Variants in GPATCH2 observed in about 807,000 individuals in gnomAD.
GPATCH2 encodes G-patch domain containing 2.
Under a neutral mutation model 58.0 loss-of-function variants are expected in GPATCH2, and 51 were observed. That is an observed-to-expected ratio of 0.88 (90% CI 0.70 to 1.11). The LOEUF (loss-of-function observed/expected upper bound fraction) is 1.11. GPATCH2 is among the 50% of genes most tolerant of loss of function. GPATCH2 has a pLI of 0.00. For missense variants in GPATCH2, 625 were observed against 652.2 expected, an observed-to-expected ratio of 0.96 and a Z score of 0.45; for synonymous variants, 222 against 218.5, an observed-to-expected ratio of 1.02 and a Z score of -0.14.
intron 5 of GPATCH2, 64 bp from the exon 6 acceptor site, chr1:217,514,953 T>C (rs1266392223): frequency 1.1e-5 from 8 of 757,726 alleles, no homozygotes; most frequent in Non-Finnish European, 1.9e-5. Flanking sequence ...CCATGGATAA[T>C]AGTGATATAT....
intron 9 of GPATCH2, among the ~76,000 whole-genome samples, chr1:217,448,452 G>A (rs1659496873): frequency 6.6e-6 from 1 of 152,146 alleles, no homozygotes; most frequent in Non-Finnish European, 1.5e-5. Flanking sequence ...TTATATGTTG[G>A]TGTCTACATT....
At chr1:217,610,022 A>C in intron 5 of GPATCH2, 1 of 1,421,764 alleles carries the variant, frequency 7.0e-7, no homozygotes, top group Non-Finnish European at 9.2e-7. Flanking sequence ...TCCAGCAAAA[A>C]CAGCCCCATC....
Position 217,619,914 on chromosome 1 carries a change from C to T in GPATCH2, c.642G>A (p.Leu214=), listed in dbSNP as rs1486761092. 1.2e-6 allele frequency: 2 copies of T among 1,613,846 alleles called. No individual in the cohort carries two copies. Among genetic ancestry groups the T allele is most frequent in the East Asian group, 2.2e-5 (1 of 44,864 alleles). The change falls in exon 2 of 10, where the codon TTG becomes TTA. Residue 214 remains leucine (L), a synonymous_variant. Coordinates refer to ENST00000366935, the MANE Select transcript of GPATCH2 (RefSeq NM_018040.5). ...TTTTTGGTCCTTGTCTGATTATTTT[C>T]AACTTTCTTTTTTTGACTTTGTTCT... ...FTKNKVKKRK[L]KIIRQGPKIQ...
At chr1:217,515,529 G>GA (rs1481633864) in intron 5 of GPATCH2, among the ~76,000 whole-genome samples, 2 of 151,984 alleles carry the variant, frequency 1.3e-5, no homozygotes, top group East Asian at 2.0e-4. Flanking sequence ...ACAACACGGT[G>GA]AAACCCCATC....
Position 217,431,358 on chromosome 1 carries a change from T to C in GPATCH2, c.1374A>G (p.Val458=), listed in dbSNP as rs1458946698. Residue 458 remains valine (V), a synonymous_variant, in exon 10 of 10, where the codon GTA becomes GTG. Coordinates refer to ENST00000366935, the MANE Select transcript of GPATCH2 (RefSeq NM_018040.5). ...CTAGGATTGGCTGGGCATTTTCACC[T>C]ACAAATCCTGAAATGATAAAACAAC... ...PLPGPTTAGF[V]GENAQPILEN... is the part of the protein sequence containing the mutation. 5.8e-6 allele frequency: 9 copies of C among 1,551,974 alleles called. No individual in the cohort carries two copies. Among genetic ancestry groups the C allele is most frequent in the Middle Eastern group, 1.7e-4 (1 of 5,956 alleles).
chr1:217,558,076 A>T (rs1010970844), intron 5 of GPATCH2, among the ~76,000 whole-genome samples: 2 of 152,200 alleles, frequency 1.3e-5, no homozygotes, highest in Admixed American at 1.3e-4. Context: ...TACTAAATTT[A>T]TATAATGGCT....
At chr1:217,515,769 A>T (rs182852846) in intron 5 of GPATCH2, among the ~76,000 whole-genome samples, 3,400 of 137,000 alleles carry the variant, frequency 0.025, 64 homozygotes, top group East Asian at 0.086. Flanking sequence ...AATATCCTTT[A>T]AAAAAAAAAA....
chr1:217,537,210 A>T (rs1571880823), intron 5 of GPATCH2, among the ~76,000 whole-genome samples: 1 of 106,248 alleles, frequency 9.4e-6, no homozygotes, highest in East Asian at 7.2e-4. Flanking sequence ...GAATTTCGTC[A>T]GCTTTTTGTT....
chr1:217,527,150 A>G (rs1259484286), intron 5 of GPATCH2, among the ~76,000 whole-genome samples: 1 of 152,228 alleles, frequency 6.6e-6, no homozygotes, highest in Non-Finnish European at 1.5e-5. Context: ...ATGTATTACA[A>G]TGCATTAATA....
At chr1:217,523,768 C>G (rs1663615267) in intron 5 of GPATCH2, among the ~76,000 whole-genome samples, 2 of 148,126 alleles carry the variant, frequency 1.4e-5, no homozygotes, top group African/African-American at 2.5e-5. Context: ...AGGCGCCCCT[C>G]ACCTCCCGGA....
At chr1:217,485,024 A>T (rs1011700430) in intron 8 of GPATCH2, among the ~76,000 whole-genome samples, 4 of 152,120 alleles carry the variant, frequency 2.6e-5, no homozygotes, top group African/African-American at 9.7e-5. Context: ...GGCTCATGTG[A>T]TTATGGAGGC....
At chr1:217,463,768 A>G (rs985656864) in intron 8 of GPATCH2, among the ~76,000 whole-genome samples, 29 of 151,970 alleles carry the variant, frequency 1.9e-4, no homozygotes. Context: ...TTAATTATAC[A>G]TAAATAGATT....
intron 5 of GPATCH2, among the ~76,000 whole-genome samples, chr1:217,565,090 A>C (rs1666150485): frequency 6.6e-6 from 1 of 152,184 alleles, no homozygotes; most frequent in South Asian, 2.1e-4. Flanking sequence ...TTCAACTCTA[A>C]AAGGTAATGC....
intron 6 of GPATCH2, among the ~76,000 whole-genome samples, chr1:217,501,498 T>G (rs1026378696): frequency 1.3e-5 from 2 of 152,102 alleles, no homozygotes; most frequent in African/African-American, 2.4e-5. Flanking sequence ...AGTTACATGT[T>G]TAGTTTCATA....
intron 6 of GPATCH2, among the ~76,000 whole-genome samples, chr1:217,502,673 T>C (rs1404420380): frequency 6.6e-6 from 1 of 152,138 alleles, no homozygotes; most frequent in Non-Finnish European, 1.5e-5. Context: ...CTATTCAATA[T>C]TTAAAAAGCA....
intron 5 of GPATCH2, among the ~76,000 whole-genome samples, chr1:217,554,000 C>T (rs922946583): frequency 6.6e-6 from 1 of 152,286 alleles, no homozygotes; most frequent in African/African-American, 2.4e-5. Flanking sequence ...ATCCCATTTA[C>T]TTTCGTCCAG....
At chr1:217,592,218 A>AGCAACT (rs1667626467) in intron 5 of GPATCH2, among the ~76,000 whole-genome samples, 1 of 152,000 alleles carries the variant, frequency 6.6e-6, no homozygotes, top group Non-Finnish European at 1.5e-5. Context: ...CTTGTATTAT[A>AGCAACT]GCAACTACAT....
intron 5 of GPATCH2, among the ~76,000 whole-genome samples, chr1:217,537,325 T>C (rs1394892888): frequency 6.6e-6 from 1 of 152,222 alleles, no homozygotes; most frequent in Non-Finnish European, 1.5e-5. Flanking sequence ...ATAAACTTCG[T>C]ATCTGGGCTA....
At chr1:217,559,817 C>G (rs1446015255) in intron 5 of GPATCH2, among the ~76,000 whole-genome samples, 2 of 151,800 alleles carry the variant, frequency 1.3e-5, no homozygotes, top group African/African-American at 4.8e-5. Context: ...AGCCTATGAA[C>G]CCATTAGCAC....
Sources: gnomAD v4.1 joint callset for allele counts (sites outside exome capture counted in the v4.1 genomes callset) on GRCh38, gnomAD v4.1.1 for gene constraint, MANE v1.5 for transcripts, NCBI Gene and HGNC (gene_info 2026-07-23, HGNC 2026-07-21) for gene names.